CTNNA2: variants seen among roughly 807,000 people sequenced by gnomAD.
CTNNA2 encodes the protein catenin alpha 2, also known as catenin alpha-2.
A neutral mutation model predicts 101.0 loss-of-function variants in CTNNA2; 42 were observed. That is an observed-to-expected ratio of 0.42 (90% CI 0.32 to 0.54). The LOEUF (loss-of-function observed/expected upper bound fraction) is 0.54. CTNNA2 is among the 20% of genes least tolerant of loss of function. The pLI is 0.14. For synonymous variants in CTNNA2, 450 were observed against 456.4 expected (o/e 0.99, Z 0.18); for missense variants, 871 against 1,223.1 (o/e 0.71, Z 4.29).
At chr2:80,340,319 T>G (rs956117918) in intron 7 of CTNNA2, among the ~76,000 whole-genome samples, 3 of 152,236 alleles carry the variant, frequency 2.0e-5, no homozygotes, top group African/African-American at 7.2e-5. Context: ...TAGAGAAGGA[T>G]CAGCCAACTG....
At chr2:80,340,352 A>C (rs1159616998) in intron 7 of CTNNA2, among the ~76,000 whole-genome samples, 2 of 152,348 alleles carry the variant, frequency 1.3e-5, no homozygotes, top group East Asian at 3.9e-4. Context: ...GAGGTTTCTC[A>C]TGGCCTTTTG....
At chr2:79,580,131 T>C (rs764716077) in intron 1 of CTNNA2, among the ~76,000 whole-genome samples, 5 of 152,066 alleles carry the variant, frequency 3.3e-5, no homozygotes, top group East Asian at 1.9e-4. Context: ...GAATGCAGTG[T>C]TTTTTAGGAT....
intron 9 of CTNNA2, among the ~76,000 whole-genome samples, chr2:80,507,244 C>A (rs143877826): frequency 6.6e-6 from 1 of 152,158 alleles, no homozygotes; most frequent in Admixed American, 6.6e-5. Context: ...TAGCAAGCGA[C>A]GGATGTATCT....
intron 4 of CTNNA2, among the ~76,000 whole-genome samples, chr2:79,452,801 C>T (rs1273378507): frequency 1.3e-5 from 2 of 152,064 alleles, no homozygotes; most frequent in African/African-American, 4.8e-5. Flanking sequence ...ATTCCTAATG[C>T]ATCCTTCATT....
chr2:80,052,016 T>C (rs1696906147), intron 7 of CTNNA2, among the ~76,000 whole-genome samples: 2 of 152,236 alleles, frequency 1.3e-5, no homozygotes, highest in South Asian at 4.1e-4. Context: ...TTTAAGTAGT[T>C]GATGTAGCTT....
intron 1 of CTNNA2, among the ~76,000 whole-genome samples, chr2:79,570,904 A>G (rs1177591654): frequency 6.6e-6 from 1 of 152,164 alleles, no homozygotes; most frequent in Admixed American, 6.5e-5. Context: ...TGAAACATCC[A>G]AACTCCAAAG....
intron 7 of CTNNA2, among the ~76,000 whole-genome samples, chr2:80,062,376 T>C (rs1374916662): frequency 6.6e-6 from 1 of 152,228 alleles, no homozygotes; most frequent in Admixed American, 6.5e-5. Flanking sequence ...TGTGATATAA[T>C]TCACCACTTT....
chr2:79,604,034 A>C (rs1034075004), intron 1 of CTNNA2, among the ~76,000 whole-genome samples: 4 of 152,192 alleles, frequency 2.6e-5, no homozygotes, highest in African/African-American at 9.7e-5. Flanking sequence ...GAATCCTATG[A>C]TCCTAAGATT....
chr2:79,375,079 G>A (rs952054178), intron 4 of CTNNA2, among the ~76,000 whole-genome samples: 7 of 152,096 alleles, frequency 4.6e-5, no homozygotes, highest in Non-Finnish European at 8.8e-5. Flanking sequence ...TTCATAGCCC[G>A]TAAATTGTTT....
chr2:79,622,673 T>A (rs1679069237), intron 1 of CTNNA2, among the ~76,000 whole-genome samples: 1 of 152,204 alleles, frequency 6.6e-6, no homozygotes, highest in Admixed American at 6.5e-5. Flanking sequence ...ATGTGGATAG[T>A]GGTTCATGAG....
chr2:80,337,960 C>T (rs1671897436), intron 7 of CTNNA2, among the ~76,000 whole-genome samples: 1 of 151,638 alleles, frequency 6.6e-6, no homozygotes, highest in Non-Finnish European at 1.5e-5. Context: ...GTATGGGCAG[C>T]AGTAAAATCA....
chr2:80,307,721 T>C (rs941302067), intron 7 of CTNNA2, among the ~76,000 whole-genome samples: 11 of 152,208 alleles, frequency 7.2e-5, no homozygotes, highest in Non-Finnish European at 1.5e-4. Flanking sequence ...TTTTCCATGT[T>C]TGTCAGGGGA....
chr2:79,793,919 C>CACAG (rs1302465118), intron 3 of CTNNA2, among the ~76,000 whole-genome samples: 1 of 149,344 alleles, frequency 6.7e-6, no homozygotes, highest in East Asian at 1.9e-4. Context: ...CACACACACA[C>CACAG]AGAAGAAGGA....
At chr2:79,724,994 G>GT (rs1188756118) in intron 2 of CTNNA2, among the ~76,000 whole-genome samples, 1 of 151,996 alleles carries the variant, frequency 6.6e-6, no homozygotes, top group African/African-American at 2.4e-5. Flanking sequence ...GTCACAGCAA[G>GT]TAGGAGCTGT....
chr2:80,121,563 A>G (rs1701834170), intron 7 of CTNNA2, among the ~76,000 whole-genome samples: 1 of 152,092 alleles, frequency 6.6e-6, no homozygotes, highest in African/African-American at 2.4e-5. Context: ...ACCTAAGAAA[A>G]CCTAAAATGG....
At position 79,744,556 on chromosome 2, in the gene CTNNA2, C is replaced by G. The variant is rs769618732; in HGVS notation, c.272C>G (p.Ala91Gly). ...CAAGATCTCAAAGAAGAGTTGGTGG[C>G]TGCTGTAGAGGATGTGCGCAAACAA... Reference protein sequence around the residue: ...ESQDLKEELVAAVEDVRKQGE... With the variant: ...ESQDLKEELVGAVEDVRKQGE... Residue 91 changes from alanine to glycine, a missense_variant, in exon 3 of 19, where the codon GCT (alanine) becomes GGT (glycine). This residue lies in a region of CTNNA2 where 647 missense variants were observed against 831.5 expected (regional missense o/e 0.78). Transcript: ENST00000402739. The G allele has an allele frequency of 6.2e-7, 1 of 1,613,860 alleles. No individual in the cohort carries two copies. Among genetic ancestry groups the G allele is most frequent in the Non-Finnish European group, 8.5e-7 (1 of 1,179,870 alleles).
intron 7 of CTNNA2, among the ~76,000 whole-genome samples, chr2:79,945,768 C>G (rs375839322): frequency 1.3e-5 from 2 of 152,280 alleles, no homozygotes; most frequent in East Asian, 3.9e-4. Flanking sequence ...ATTTATCCAG[C>G]AGACATTTAG....
intron 1 of CTNNA2, among the ~76,000 whole-genome samples, chr2:79,634,865 G>A (rs569250965): frequency 6.6e-6 from 1 of 152,326 alleles, no homozygotes; most frequent in African/African-American, 2.4e-5. Flanking sequence ...AAAGACTTAA[G>A]ATGCACAATT....
intron 7 of CTNNA2, among the ~76,000 whole-genome samples, chr2:80,107,002 T>C (rs1169806336): frequency 6.6e-6 from 1 of 152,156 alleles, no homozygotes; most frequent in Non-Finnish European, 1.5e-5. Context: ...AGACTCATCT[T>C]CACCTAAATT....
Sources: allele counts gnomAD v4.1 joint callset (sites outside exome capture counted in the v4.1 genomes callset), GRCh38; gene constraint gnomAD v4.1.1; regional missense constraint gnomAD v4.1.1; transcripts MANE v1.5; gene names NCBI Gene and HGNC (gene_info 2026-07-23, HGNC 2026-07-21).